The following OXR1 variants were observed in gnomAD, a reference collection of about 807,000 sequenced individuals.
The protein encoded by OXR1 is oxidation resistance 1, also known as oxidation resistance protein 1.
In OXR1, 41 loss-of-function variants were observed where a neutral mutation model predicts 104.6. The observed-to-expected ratio is 0.39, with a 90% CI of 0.31 to 0.51. OXR1 has a LOEUF of 0.51. OXR1 is among the 20% of genes least tolerant of loss of function. OXR1 has a pLI of 0.77. For synonymous variants in OXR1, 348 were observed against 348.4 expected (o/e 1.00, Z 0.01); for missense variants, 955 against 1,031.9 (o/e 0.93, Z 1.02).
At chr8:106,298,159 CT>C (rs1398411596) in intron 1 of OXR1, among the ~76,000 whole-genome samples, 1 of 152,074 alleles carries the variant, frequency 6.6e-6, no homozygotes, top group Non-Finnish European at 1.5e-5. Context: ...AAAATAAGTC[CT>C]TACAATAGGA....
intron 3 of OXR1, among the ~76,000 whole-genome samples, chr8:106,561,884 G>C (rs1268517934): frequency 1.3e-5 from 2 of 152,146 alleles, no homozygotes; most frequent in East Asian, 1.9e-4. Flanking sequence ...CAGCAGAGGG[G>C]CCTGTTAGAA....
intron 7 of OXR1, chr8:106,697,419 T>C: frequency 2.0e-6 from 3 of 1,472,820 alleles, no homozygotes; most frequent in Non-Finnish European, 2.8e-6. Context: ...AGGCCTGGGG[T>C]GGGATCAAAG....
At position 106,714,952 on chromosome 8, in the gene OXR1, A is replaced by G. The variant is rs183981649; in HGVS notation, c.1956+967A>G. 7.2e-5 allele frequency among the ~76,000 whole-genome samples: 11 copies of G among 152,206 alleles called. No homozygotes were observed. In the East Asian group the frequency reaches 1.5e-3, roughly 21 times the overall value. The stretch of plus-strand genomic sequence containing the variant: ...AGCATCAGTTTCTACTGTGACTCCA[A>G]TATAAGGGAGGGAAAGAAGAACATA... On this transcript the variant is annotated intron_variant, in intron 11 of 16. Coordinates refer to ENST00000517566, the MANE Select transcript of OXR1 (RefSeq NM_001198533.2).
intron 2 of OXR1, among the ~76,000 whole-genome samples, chr8:106,481,199 G>A (rs2444318): frequency 2.0e-5 from 3 of 151,848 alleles, no homozygotes; most frequent in African/African-American, 4.8e-5. Context: ...TAGTTGGGCC[G>A]TTGTCACACA....
chr8:106,668,313 G>C (rs1019310865), intron 3 of OXR1, among the ~76,000 whole-genome samples: 1 of 152,172 alleles, frequency 6.6e-6, no homozygotes, highest in Non-Finnish European at 1.5e-5. Context: ...ATGCAAGCCA[G>C]CCAGATTCTT....
At chr8:106,565,799 G>A (rs1448033702) in intron 3 of OXR1, among the ~76,000 whole-genome samples, 3 of 152,108 alleles carry the variant, frequency 2.0e-5, no homozygotes, top group African/African-American at 7.2e-5. Context: ...CAATGGAACA[G>A]AACAGAGGCC....
At chr8:106,344,203 G>C (rs1362153917) in intron 1 of OXR1, among the ~76,000 whole-genome samples, 1 of 152,174 alleles carries the variant, frequency 6.6e-6, no homozygotes, top group Non-Finnish European at 1.5e-5. Flanking sequence ...GATTGGGTTG[G>C]GGTGGAGATG....
chr8:106,356,060 C>T (rs962443379), intron 1 of OXR1, among the ~76,000 whole-genome samples: 1 of 152,128 alleles, frequency 6.6e-6, no homozygotes, highest in Non-Finnish European at 1.5e-5. Flanking sequence ...CAGAAAAGTT[C>T]TAGAGGACAT....
At chr8:106,304,918 A>G (rs1813410967) in intron 1 of OXR1, among the ~76,000 whole-genome samples, 1 of 152,166 alleles carries the variant, frequency 6.6e-6, no homozygotes, top group African/African-American at 2.4e-5. Context: ...TAGCTAATAT[A>G]TGGGCAGAAG....
At position 106,442,421 on chromosome 8, in the gene OXR1, T is replaced by C. The variant is rs116931112; in HGVS notation, c.24-76522T>C. On this transcript the variant is annotated intron_variant, in intron 2 of 16. Transcript: ENST00000517566. ...CCCGGTTTTGGTGTCAGGACGGTAC[T>C]GGCTTCATGAAATGAGTTAGGGGAG... Among the ~76,000 whole-genome samples the C allele has an allele frequency of 5.3e-3, 814 of 152,302 alleles. 7 individuals carry two copies. Among genetic ancestry groups the C allele is most frequent in the Non-Finnish European group, 8.4e-3 (570 of 68,026 alleles).
At chr8:106,401,578 A>G (rs1297355814) in intron 2 of OXR1, among the ~76,000 whole-genome samples, 1 of 152,128 alleles carries the variant, frequency 6.6e-6, no homozygotes, top group Non-Finnish European at 1.5e-5. Context: ...GTCACTCAGT[A>G]GATTAGTTGG....
chr8:106,718,603 G>C (rs1287295242), intron 11 of OXR1, among the ~76,000 whole-genome samples: 1 of 152,134 alleles, frequency 6.6e-6, no homozygotes, highest in Admixed American at 6.6e-5. Context: ...ACTTTGGGAG[G>C]CCGAGACAGG....
In OXR1 at chr8:106,519,193, T is replaced by C. The variant is rs535832525; in HGVS notation, c.220+54T>C. On this transcript the variant is annotated intron_variant, in intron 3 of 16. Transcript: ENST00000517566. ...ATAGATGAAATCTACCTAAATGGCA[T>C]TGAGAATTTCTGGGTCTGTTTAGTT... is the stretch of plus-strand genomic sequence containing the variant. The C allele has an allele frequency of 3.9e-3, 5,006 of 1,270,716 alleles. 12 individuals carry two copies. The highest frequency in any genetic ancestry group is 4.5e-3 in the Non-Finnish European group (4,088 of 917,686). The allele number at this position is 1,270,716 out of a possible 1,614,324, so 78.7% of individuals were successfully genotyped here.
At chr8:106,367,718 A>G (rs911796697) in intron 2 of OXR1, among the ~76,000 whole-genome samples, 2 of 152,192 alleles carry the variant, frequency 1.3e-5, no homozygotes, top group African/African-American at 4.8e-5. Flanking sequence ...AGATAGTGAT[A>G]TGTATTTTGA....
intron 2 of OXR1, among the ~76,000 whole-genome samples, chr8:106,429,638 C>T (rs550630334): frequency 9.3e-5 from 13 of 139,856 alleles, no homozygotes; most frequent in African/African-American, 2.0e-4. Flanking sequence ...CCAGCCTGGG[C>T]GACAGAGCAA....
intron 1 of OXR1, among the ~76,000 whole-genome samples, chr8:106,300,293 G>T (rs369770972): frequency 2.0e-5 from 3 of 152,036 alleles, no homozygotes; most frequent in African/African-American, 7.2e-5. Flanking sequence ...GAGTCCCATG[G>T]TTGCTTTGTA....
At position 106,658,291 on chromosome 8, in the gene OXR1, G is replaced by A. The variant is rs556201572; in HGVS notation, c.221-20919G>A. 146 of 1,194,022 alleles carry A rather than the reference G, an allele frequency of 1.2e-4. No individual in the cohort carries two copies. The South Asian group carries it at 4.9e-3, about 40-fold the overall frequency. 74.0% of individuals were successfully genotyped at this position (1,194,022 alleles called of 1,614,324 possible). A position where few individuals can be genotyped will look rare whatever the true frequency, so the allele number is the denominator to read the frequency against. ...GGGGGTCGCTGCCCGGCTCTGGCAG[G>A]TGTGCCTGGGCCGGGGCGGGCAACG... On this transcript the variant is annotated intron_variant, in intron 3 of 16. Coordinates refer to ENST00000517566, the MANE Select transcript of OXR1 (RefSeq NM_001198533.2).
At chr8:106,394,320 A>G (rs1817694054) in intron 2 of OXR1, among the ~76,000 whole-genome samples, 2 of 151,502 alleles carry the variant, frequency 1.3e-5, no homozygotes, top group Admixed American at 6.6e-5. Context: ...AAAAAAAAAG[A>G]TAAAACAATT....
chr8:106,665,018 TC>T (rs1826134399), intron 3 of OXR1, among the ~76,000 whole-genome samples: 1 of 152,212 alleles, frequency 6.6e-6, no homozygotes, highest in Admixed American at 6.5e-5. Flanking sequence ...CTAAAATACT[TC>T]CATTATTAAA....
Sources: gnomAD v4.1 joint callset for allele counts (sites outside exome capture counted in the v4.1 genomes callset) on GRCh38, gnomAD v4.1.1 for gene constraint, MANE v1.5 for transcripts, NCBI Gene and HGNC (gene_info 2026-07-23, HGNC 2026-07-21) for gene names.